The following FCSK variants were observed in gnomAD, a reference collection of about 807,000 sequenced individuals.
The protein encoded by FCSK is L-fucose kinase.
In FCSK, 123 loss-of-function variants were observed where a neutral mutation model predicts 122.5. That is an observed-to-expected ratio of 1.00 (90% CI 0.87 to 1.17). FCSK has a LOEUF of 1.17. FCSK is among the 50% of genes most tolerant of loss of function. The pLI is 0.00. For missense variants in FCSK, 1,366 were observed against 1,450.4 expected (o/e 0.94, Z 0.95); for synonymous variants, 620 against 625.5 (o/e 0.99, Z 0.13).
intron 3 of FCSK, 134 bp from the exon 4 acceptor site, chr16:70,464,992 T>A: frequency 6.5e-7 from 1 of 1,546,280 alleles, no homozygotes; most frequent in South Asian, 1.2e-5. Flanking sequence ...CCTGTGGCCA[T>A]TGGTTTGACC....
chr16:70,466,754 A>G (rs573776134), intron 5 of FCSK, 128 bp from the exon 6 acceptor site: 20 of 725,654 alleles, frequency 2.8e-5, no homozygotes, highest in African/African-American at 2.6e-4. Context: ...CAGGTCAGAG[A>G]GTGGGTGGGG....
At chr16:70,470,819 G>A (rs1201907090) in intron 11 of FCSK, 152 bp from the exon 12 acceptor site, 1 of 688,598 alleles carries the variant, frequency 1.5e-6, no homozygotes, top group Non-Finnish European at 2.4e-6. Context: ...CTCAGGCTGG[G>A]GCCAAGGCAG....
At chr16:70,471,951 G>A (rs1015218383) in intron 13 of FCSK, among the ~76,000 whole-genome samples, 8 of 151,902 alleles carry the variant, frequency 5.3e-5, no homozygotes, top group Non-Finnish European at 7.4e-5. Context: ...GAGTACAGGC[G>A]CCCACCACCA....
Position 70,473,664 on chromosome 16 carries a change from C to T in FCSK, c.1777+311C>T, listed in dbSNP as rs957241039. Among the ~76,000 whole-genome samples the T allele has an allele frequency of 9.2e-5, 14 of 152,244 alleles. No homozygotes were observed. The highest frequency in any genetic ancestry group is 8.3e-4 in the South Asian group (4 of 4,828). On this transcript the variant is annotated intron_variant, in intron 15 of 23. Coordinates refer to ENST00000288078, the MANE Select transcript of FCSK (RefSeq NM_145059.3). This position sits in a 1 kb window ranked among gnomAD's most constrained non-coding sequence, Gnocchi z 4.9. ...TGGGTGCCAGGATGTGGGTGCAGAGCGTGGCGAGGGGACAGAGCCCCCAGG... is the reference window on the plus strand; with the variant it reads ...TGGGTGCCAGGATGTGGGTGCAGAGTGTGGCGAGGGGACAGAGCCCCCAGG...
chr16:70,466,125 C>G lies in FCSK; in HGVS notation c.286-7C>G. The G allele has an allele frequency of 1.9e-6, 3 of 1,613,334 alleles. No homozygotes were observed. The highest frequency in any genetic ancestry group is 1.7e-5 in the Admixed American group (1 of 59,996). ...TGAGGCTTCCTCACCAGTCCCCCGA[C>G]TTCCAGGGTCGAGACTTCCCCTTTG... On this transcript the variant is annotated splice_polypyrimidine_tract_variant and splice_region_variant and intron_variant, in intron 4 of 23. Coordinates refer to ENST00000288078, the MANE Select transcript of FCSK (RefSeq NM_145059.3).
At chr16:70,475,918 C>T in intron 20 of FCSK, 151 bp downstream of exon 20, 2 of 806,112 alleles carry the variant, frequency 2.5e-6, no homozygotes, top group Non-Finnish European at 3.6e-6. Context: ...TCACTTTGAC[C>T]TTCTCTGGTC....
At position 70,474,261 on chromosome 16, in the gene FCSK, C is replaced by T. The variant is rs1488993844; in HGVS notation, c.1910C>T (p.Pro637Leu). ...GCTGCCAACCCTGAGTGGATGCGGCCCTTCTCATACCTGGAGTGTGGAGAC... is the reference window on the plus strand; with the variant it reads ...GCTGCCAACCCTGAGTGGATGCGGCTCTTCTCATACCTGGAGTGTGGAGAC... ...GPAANPEWMRPFSYLECGDLA... is the reference protein window; with the variant it reads ...GPAANPEWMRLFSYLECGDLA... The change falls in exon 16 of 24, where the codon CCC becomes CTC. Residue 637 changes from proline to leucine, a missense_variant. Physicochemically the swap from Pro to Leu is moderately conservative, Grantham distance 98. Transcript: ENST00000288078. 2 of 1,612,706 alleles carry T rather than the reference C, an allele frequency of 1.2e-6. No individual in the cohort carries two copies. The highest frequency in any genetic ancestry group is 1.7e-6 in the Non-Finnish European group (2 of 1,179,792).
Position 70,466,822 on chromosome 16 carries a change from AG to A in FCSK, c.412-55del. 2.0e-6 allele frequency: 3 copies of A among 1,476,488 alleles called. No homozygotes were observed. The Admixed American group carries it at 5.3e-5, about 26-fold the overall frequency. 91.5% of individuals were successfully genotyped at this position (1,476,488 alleles called of 1,614,324 possible). On this transcript the variant is annotated intron_variant, in intron 5 of 23. Transcript: ENST00000288078. ...AACAGCACAGTATCCTTGGGCAAGG[AG>A]GGGGCAGGTGAAGGCCTGGGCCAGG... is the stretch of plus-strand genomic sequence containing the variant.
At chr16:70,465,681 C>CA (rs1170640105) in intron 4 of FCSK, among the ~76,000 whole-genome samples, 4 of 152,050 alleles carry the variant, frequency 2.6e-5, no homozygotes, top group Non-Finnish European at 5.9e-5. Flanking sequence ...CGCAGTGGCT[C>CA]ACATCTGTAA....
At position 70,474,144 on chromosome 16, in the gene FCSK, G is replaced by T. The variant is rs1423930204; in HGVS notation, c.1793G>T (p.Gly598Val). The change falls in exon 16 of 24, where the codon GGA (glycine) becomes GTA (valine). Residue 598 changes from glycine (G) to valine (V), a missense_variant. Transcript: ENST00000288078. ...ATLDQVAAGA[G>V]DPGVAARALA... ...TGTCCCTCAGTTGCAGCTGGGGCAG[G>T]AGACCCTGGTGTGGCGGCACGGGCA... 7 of 1,551,062 alleles carry T rather than the reference G, an allele frequency of 4.5e-6. No individual in the cohort carries two copies. The Admixed American group carries it at 1.4e-4, about 31-fold the overall frequency.
intron 1 of FCSK, among the ~76,000 whole-genome samples, chr16:70,456,599 GA>G (rs2048099878): frequency 6.6e-6 from 1 of 152,196 alleles, no homozygotes; most frequent in African/African-American, 2.4e-5. Flanking sequence ...TGCCTGGCTG[GA>G]AGGATTATCA....
At position 70,473,287 on chromosome 16, in the gene FCSK, C is replaced by T. The variant is rs1384430529; in HGVS notation, c.1711C>T (p.Arg571Cys). 3.3e-6 allele frequency: 5 copies of T among 1,528,444 alleles called. No individual in the cohort carries two copies. The highest frequency in any genetic ancestry group is 4.4e-6 in the Non-Finnish European group (5 of 1,139,232). 94.7% of individuals were successfully genotyped at this position (1,528,444 alleles called of 1,614,324 possible). A position where few individuals can be genotyped will look rare whatever the true frequency, so the allele number is the denominator to read the frequency against. Reference sequence around the variant, plus strand: ...GGAGGCCCGGCAGGACCTCAGCCTGCGCCCGCTGATCTGGGCTGCTGTCCG... The same window carrying T: ...GGAGGCCCGGCAGGACCTCAGCCTGTGCCCGCTGATCTGGGCTGCTGTCCG... ...VLEARQDLSL[R>C]PLIWAAVREG... The change falls in exon 15 of 24, where the codon CGC (arginine) becomes TGC (cysteine). Residue 571 changes from arginine (R) to cysteine (C), a missense_variant. By Grantham distance (180) the Arg-to-Cys change is radical. Coordinates refer to ENST00000288078, the MANE Select transcript of FCSK (RefSeq NM_145059.3). The surrounding 1 kb of genome is among the most constrained non-coding windows in gnomAD (Gnocchi z 4.9).
chr16:70,467,439 C>T lies in FCSK; in HGVS notation c.550C>T (p.Gln184Ter), dbSNP rs1288433377. 2 of 1,609,302 alleles carry T rather than the reference C, an allele frequency of 1.2e-6. No individual in the cohort carries two copies. The highest frequency in any genetic ancestry group is 2.2e-5 in the South Asian group (2 of 90,072). The stretch of plus-strand genomic sequence containing the variant: ...CCTCCCAGGGAGCCCGGCCTACGCT[C>T]AGAATCATGGCGTCTACCTAACTGA... Reference protein sequence around the residue: ...IALPGSPAYAQNHGVYLTDPQ... With the variant: ...IALPGSPAYA The change falls in exon 7 of 24, where the codon CAG becomes TAG. Residue 184 changes from glutamine (Q) to a stop codon, truncating the protein, a stop_gained. Coordinates refer to ENST00000288078, the MANE Select transcript of FCSK (RefSeq NM_145059.3). LOFTEE classifies it high-confidence loss of function.
At chr16:70,468,360 C>T (rs779155600) in intron 8 of FCSK, among the ~76,000 whole-genome samples, 27 of 152,168 alleles carry the variant, frequency 1.8e-4, no homozygotes, top group Non-Finnish European at 4.0e-4. Flanking sequence ...GCGGAGGTTG[C>T]GGTGAGCAGA....
At chr16:70,478,983 G>A (rs2048910025) in intron 22 of FCSK, 197 bp from the exon 23 acceptor site, 2 of 657,766 alleles carry the variant, frequency 3.0e-6, no homozygotes, top group South Asian at 3.5e-5. Context: ...TATGCTGGGT[G>A]TGGTGTTGGT....
chr16:70,479,242 C>T lies in FCSK; in HGVS notation c.2992C>T (p.Pro998Ser), dbSNP rs768143099. Residue 998 changes from proline to serine, a missense_variant, in exon 23 of 24, where the codon CCA becomes TCA. Coordinates refer to ENST00000288078, the MANE Select transcript of FCSK (RefSeq NM_145059.3). ...CTGGGAGCAGAAGAAGCTCATGGCTCCAGGCTGTGAGCCCCTGACTGTGCG... is the reference window on the plus strand; with the variant it reads ...CTGGGAGCAGAAGAAGCTCATGGCTTCAGGCTGTGAGCCCCTGACTGTGCG... ...SYWEQKKLMA[P>S]GCEPLTVRRM... 5.0e-6 allele frequency: 8 copies of T among 1,613,820 alleles called. No homozygotes were observed. The highest frequency in any genetic ancestry group is 6.8e-6 in the Non-Finnish European group (8 of 1,180,050).
chr16:70,459,019 C>T (rs990085245), intron 1 of FCSK, among the ~76,000 whole-genome samples: 4 of 151,564 alleles, frequency 2.6e-5, no homozygotes, highest in Admixed American at 6.6e-5. Context: ...TTGAGACCAG[C>T]TTGGGCAATG....
At position 70,473,333 on chromosome 16, in the gene FCSK, T is replaced by C; in HGVS notation, c.1757T>C (p.Leu586Pro). 6.6e-7 allele frequency: 1 copy of C among 1,508,896 alleles called. No individual in the cohort carries two copies. Among genetic ancestry groups the C allele is most frequent in the Non-Finnish European group, 8.9e-7 (1 of 1,125,126 alleles). 93.5% of individuals were successfully genotyped at this position (1,508,896 alleles called of 1,614,324 possible). A position where few individuals can be genotyped will look rare whatever the true frequency, so the allele number is the denominator to read the frequency against. ...GTCCGCGAGGGCTGCCCCGGGCCCC[T>C]GCTGGCCACGCTGGACCAGGGTGAG... The part of the protein sequence containing the change: ...AAVREGCPGP[L>P]LATLDQVAAG... Residue 586 changes from leucine (L) to proline (P), a missense_variant, in exon 15 of 24, where the codon CTG becomes CCG. Physicochemically the swap from Leu to Pro is moderately conservative, Grantham distance 98. Transcript: ENST00000288078. The surrounding 1 kb of genome is among the most constrained non-coding windows in gnomAD (Gnocchi z 4.9).
Position 70,470,199 on chromosome 16 carries a change from TC to T in FCSK, c.956-111del, listed in dbSNP as rs1010365550. ...CTTTGGGCAGGTTCCTGACTCAGCT[TC>T]CCCTAACAGGCTCATGGCCACACCT... On this transcript the variant is annotated intron_variant, in intron 10 of 23. Transcript: ENST00000288078. The T allele has an allele frequency of 1.0e-4, 70 of 700,850 alleles. 1 individual carries two copies. The African/African-American group carries it at 1.1e-3, about 11-fold the overall frequency. 43.4% of individuals were successfully genotyped at this position (700,850 alleles called of 1,614,324 possible).
Sources: gnomAD v4.1 joint callset for allele counts (sites outside exome capture counted in the v4.1 genomes callset) on GRCh38, gnomAD v4.1.1 for gene constraint, Gnocchi (gnomAD v3.1) non-coding constraint, MANE v1.5 for transcripts, NCBI Gene and HGNC (gene_info 2026-07-23, HGNC 2026-07-21) for gene names.